RNF8: variants seen among roughly 807,000 people sequenced by gnomAD.
RNF8 encodes ring finger protein 8, also known as E3 ubiquitin-protein ligase RNF8.
RNF8 carries 8 observed loss-of-function variants against 59.3 expected under a neutral mutation model. The observed-to-expected ratio is 0.13, with a 90% confidence interval of 0.08 to 0.24. The LOEUF (loss-of-function observed/expected upper bound fraction) is 0.24. RNF8 is among the 10% of genes least tolerant of loss of function. The pLI is 1.00. For missense variants in RNF8, 406 were observed against 572.6 expected (o/e 0.71, Z 2.97); for synonymous variants, 162 against 200.0 (o/e 0.81, Z 1.60).
intron 7 of RNF8, among the ~76,000 whole-genome samples, chr6:37,382,012 C>T (rs764991850): frequency 2.0e-5 from 3 of 152,172 alleles, no homozygotes; most frequent in Admixed American, 1.3e-4. Context: ...ATTTAAGCCC[C>T]CACAGATTTT....
intron 1 of RNF8, among the ~76,000 whole-genome samples, chr6:37,357,335 A>G (rs1769159053): frequency 6.6e-6 from 1 of 152,230 alleles, no homozygotes; most frequent in Admixed American, 6.5e-5. Flanking sequence ...AAGACCAGGC[A>G]GTGCAGGGAA....
chr6:37,357,083 G>A (rs1769148253), intron 1 of RNF8, among the ~76,000 whole-genome samples: 1 of 152,174 alleles, frequency 6.6e-6, no homozygotes, highest in South Asian at 2.1e-4. Context: ...GTGCCCAGGA[G>A]GAAAGAGATA....
At chr6:37,374,876 C>T (rs746765898) in intron 5 of RNF8, among the ~76,000 whole-genome samples, 167 bp downstream of exon 5, 1 of 152,220 alleles carries the variant, frequency 6.6e-6, no homozygotes, top group Non-Finnish European at 1.5e-5. Context: ...TTCTGCCTGT[C>T]AGACAACATC....
At chr6:37,377,945 C>T (rs1770088104) in intron 6 of RNF8, among the ~76,000 whole-genome samples, 1 of 152,154 alleles carries the variant, frequency 6.6e-6, no homozygotes, top group Non-Finnish European at 1.5e-5. Flanking sequence ...GACCAGTTCA[C>T]CTTAGACCAC....
intron 1 of RNF8, among the ~76,000 whole-genome samples, chr6:37,358,723 A>C (rs1357931444): frequency 6.6e-6 from 1 of 152,170 alleles, no homozygotes; most frequent in East Asian, 1.9e-4. Context: ...AGAAGAGGGC[A>C]GTTTTAGCTA....
intron 7 of RNF8, among the ~76,000 whole-genome samples, chr6:37,381,739 G>A (rs898608405): frequency 1.3e-5 from 2 of 152,210 alleles, no homozygotes; most frequent in African/African-American, 2.4e-5. Context: ...AGTATACAGT[G>A]AGTTATAAAT....
At chr6:37,382,077 C>T (rs937517450) in intron 7 of RNF8, among the ~76,000 whole-genome samples, 1 of 152,168 alleles carries the variant, frequency 6.6e-6, no homozygotes, top group African/African-American at 2.4e-5. Context: ...CTTTTCACCT[C>T]CCATCACTCC....
At chr6:37,389,276 A>G (rs1030350009) in intron 7 of RNF8, among the ~76,000 whole-genome samples, 1 of 151,862 alleles carries the variant, frequency 6.6e-6, no homozygotes, top group African/African-American at 2.4e-5. Context: ...CCCATTGAGT[A>G]TGCAGGCATG....
intron 5 of RNF8, 60 bp from the exon 6 acceptor site, chr6:37,376,866 T>C: frequency 9.7e-7 from 1 of 1,034,118 alleles, no homozygotes; most frequent in Non-Finnish European, 1.5e-6. Flanking sequence ...CCCTGCTCCC[T>C]GTCCCATTTT....
intron 7 of RNF8, among the ~76,000 whole-genome samples, chr6:37,388,170 G>A (rs887057447): frequency 6.6e-6 from 1 of 152,154 alleles, no homozygotes; most frequent in East Asian, 1.9e-4. Flanking sequence ...GTAGCAGCAG[G>A]GATGGCCAGA....
At position 37,390,896 on chromosome 6, in the gene RNF8, A is replaced by G. The variant is rs781030970; in HGVS notation, c.*138A>G. ...TGTGGGACAGAGACTTGAGTTAGGA[A>G]GCCCTCAGTCACTTGCCTTCCACGG... On this transcript the variant is annotated 3_prime_UTR_variant, in exon 8 of 8. Transcript: ENST00000373479. 3 of 1,482,446 alleles carry G rather than the reference A, an allele frequency of 2.0e-6. No homozygotes were observed. Among genetic ancestry groups the G allele is most frequent in the Non-Finnish European group, 2.8e-6 (3 of 1,061,192 alleles). 91.8% of individuals were successfully genotyped at this position (1,482,446 alleles called of 1,614,324 possible).
chr6:37,355,024 G>T (rs980912111), intron 1 of RNF8, among the ~76,000 whole-genome samples: 2 of 152,290 alleles, frequency 1.3e-5, no homozygotes, highest in South Asian at 2.1e-4. Flanking sequence ...GGTGGGTCGG[G>T]CAGGTATTCA....
intron 7 of RNF8, among the ~76,000 whole-genome samples, chr6:37,382,690 A>G (rs1770323214): frequency 6.6e-6 from 1 of 152,146 alleles, no homozygotes; most frequent in African/African-American, 2.4e-5. Flanking sequence ...AACATCAGGG[A>G]AAGAAAAGGC....
intron 6 of RNF8, 133 bp from the exon 7 acceptor site, chr6:37,381,017 C>T: frequency 2.6e-6 from 2 of 769,918 alleles, no homozygotes; most frequent in Non-Finnish European, 4.5e-6. Flanking sequence ...TCTTTATAAG[C>T]CCTTAAGATG....
chr6:37,363,245 G>C (rs195415), intron 2 of RNF8, among the ~76,000 whole-genome samples: 2 of 152,274 alleles, frequency 1.3e-5, no homozygotes, highest in East Asian at 3.9e-4. Flanking sequence ...TAGAGCAGTG[G>C]TTATCAACCC....
At chr6:37,385,706 A>G (rs961911417) in intron 7 of RNF8, among the ~76,000 whole-genome samples, 8 of 152,156 alleles carry the variant, frequency 5.3e-5, no homozygotes, top group Admixed American at 1.3e-4. Context: ...GTGGGATAGT[A>G]ACATTATTGT....
rs1770732469 is a variant in RNF8 at position 37,391,781 on chromosome 6, T to C, written c.*1023T>C. On this transcript the variant is annotated 3_prime_UTR_variant, in exon 8 of 8. Coordinates refer to ENST00000373479, the MANE Select transcript of RNF8 (RefSeq NM_003958.4). ...CATCCTCCCACCTCAACCTCCCAAG[T>C]AGCTGGGACTACAGGCATATGCCAT... The C allele has an allele frequency of 1.3e-5, 2 of 152,286 alleles. No individual in the cohort carries two copies. The highest frequency in any genetic ancestry group is 4.8e-5 in the African/African-American group (2 of 41,454). 9.4% of individuals were successfully genotyped at this position (152,286 alleles called of 1,614,324 possible). A position where few individuals can be genotyped will look rare whatever the true frequency, so the allele number is the denominator to read the frequency against.
rs900120168 is a variant in RNF8 at position 37,377,988 on chromosome 6, C to A, written c.1236+955C>A. Among the ~76,000 whole-genome samples, 9 of 152,268 alleles carry A rather than the reference C, an allele frequency of 5.9e-5. No individual in the cohort carries two copies. In the South Asian group the frequency reaches 1.9e-3, roughly 32 times the overall value. On this transcript the variant is annotated intron_variant, in intron 6 of 7. Coordinates refer to ENST00000373479, the MANE Select transcript of RNF8 (RefSeq NM_003958.4). ...AAATTCAAGTTGCTAAATGACAGTGCTATTCAGACTCCTTTAAAAAGAAGG... is the reference window on the plus strand; with the variant it reads ...AAATTCAAGTTGCTAAATGACAGTGATATTCAGACTCCTTTAAAAAGAAGG...
intron 1 of RNF8, among the ~76,000 whole-genome samples, chr6:37,357,383 T>C (rs1769160753): frequency 6.6e-6 from 1 of 152,032 alleles, no homozygotes; most frequent in Non-Finnish European, 1.5e-5. Context: ...GGGTTCAGAG[T>C]CTGTTGGAGG....
Sources: gnomAD v4.1 joint callset for allele counts (sites outside exome capture counted in the v4.1 genomes callset) on GRCh38, gnomAD v4.1.1 for gene constraint, MANE v1.5 for transcripts, NCBI Gene and HGNC (gene_info 2026-07-23, HGNC 2026-07-21) for gene names.